Variants in RGS3 observed in about 807,000 individuals in gnomAD.
RGS3 encodes the protein regulator of G-protein signalling 3.
In RGS3, 80 loss-of-function variants were observed where a neutral mutation model predicts 132.6. The observed-to-expected ratio is 0.60, with a 90% CI of 0.50 to 0.73. The LOEUF (loss-of-function observed/expected upper bound fraction) is 0.73, where lower values mean the gene tolerates loss of function less well. Among genes scored for constraint, RGS3 ranks in the 30% least tolerant of loss-of-function variants. The pLI, the probability that RGS3 is intolerant of heterozygous loss-of-function variation, is 0.00. For missense variants in RGS3, 1,382 were observed against 1,530.8 expected (o/e 0.90, Z 1.62); for synonymous variants, 598 against 620.6 (o/e 0.96, Z 0.54).
chr9:113,484,342 A>C (rs1830261430), intron 6 of RGS3, 110 bp downstream of exon 4: 3 of 499,412 alleles, frequency 6.0e-6, no homozygotes, highest in Admixed American at 3.4e-5. Context: ...AAAAAAAAAA[A>C]AAAAAAACCA....
At position 113,579,308 on chromosome 9, in the gene RGS3, T is replaced by C. The variant is rs1834680102; in HGVS notation, c.2038-4142T>C. On this transcript the variant is annotated intron_variant, in intron 19 of 24. Coordinates refer to ENST00000350696, the Ensembl canonical transcript of RGS3. The surrounding 1 kb of genome is among the most constrained non-coding windows in gnomAD (Gnocchi z 4.3). ...CCAGGAGCCAAAGCTGGTATGAGTG[T>C]GAACTCTGGGTGTCATAGCTGCCAT... Among the ~76,000 whole-genome samples, 1 of 152,220 alleles carries C rather than the reference T, an allele frequency of 6.6e-6. No individual in the cohort carries two copies. The highest frequency in any genetic ancestry group is 2.4e-5 in the African/African-American group (1 of 41,450).
At chr9:113,528,691 T>TAAAGAGAGG (rs1832328751) in intron 17 of RGS3, among the ~76,000 whole-genome samples, 1 of 152,148 alleles carries the variant, frequency 6.6e-6, no homozygotes, top group African/African-American at 2.4e-5. Flanking sequence ...TAGGAAAACA[T>TAAAGAGAGG]ACAGAGAGGT....
chr9:113,528,744 A>G (rs1047648908), intron 17 of RGS3, among the ~76,000 whole-genome samples: 4 of 152,220 alleles, frequency 2.6e-5, no homozygotes, highest in African/African-American at 4.8e-5. Context: ...CACCCAGTCT[A>G]TGACAGGGTA....
In RGS3 at chr9:113,533,938, C is replaced by T. The variant is rs539328854; in HGVS notation, c.1915-2858C>T. ...GGAAGCTGTTGTTAAGTAGAAGCTC[C>T]AGGAGTGCCTCAGCGCACCACCCAG... On this transcript the variant is annotated intron_variant, in intron 18 of 24. Transcript: ENST00000350696. Among the ~76,000 whole-genome samples, 18 of 152,350 alleles carry T rather than the reference C, an allele frequency of 1.2e-4. 1 individual carries two copies. The South Asian group carries it at 3.3e-3, about 28-fold the overall frequency.
At chr9:113,474,052 T>G (rs577538858) in intron 3 of RGS3, among the ~76,000 whole-genome samples, 13 of 152,064 alleles carry the variant, frequency 8.5e-5, no homozygotes, top group Admixed American at 8.5e-4. Context: ...CCCTTGTGAG[T>G]GATCCATGGG....
intron 19 of RGS3, among the ~76,000 whole-genome samples, chr9:113,552,356 G>A (rs896936655): frequency 1.6e-4 from 24 of 151,896 alleles, no homozygotes; most frequent in South Asian, 1.5e-3. Context: ...TCACTCTGTC[G>A]CCCAGGCTGG....
intron 21 of RGS3, chr9:113,594,006 C>T: frequency 1.2e-6 from 2 of 1,613,098 alleles, no homozygotes; most frequent in Non-Finnish European, 1.7e-6. Flanking sequence ...GACACATGCC[C>T]CTTTCACGGC....
intron 3 of RGS3, 110 bp from the exon 2 acceptor site, chr9:113,479,381 T>G: frequency 3.5e-6 from 4 of 1,130,268 alleles, no homozygotes; most frequent in Non-Finnish European, 5.3e-6. Context: ...TGTGAGTCTT[T>G]GAATGGCTTC....
At chr9:113,460,792 A>G (rs1275436169) in intron 1 of RGS3, among the ~76,000 whole-genome samples, 1 of 152,168 alleles carries the variant, frequency 6.6e-6, no homozygotes, top group Non-Finnish European at 1.5e-5. Context: ...TAAAGTCACT[A>G]AGATTCTTTG....
At chr9:113,587,297 G>T (rs1184375488) in intron 20 of RGS3, among the ~76,000 whole-genome samples, 1 of 152,160 alleles carries the variant, frequency 6.6e-6, no homozygotes, top group African/African-American at 2.4e-5. Flanking sequence ...CCTGGCTTTG[G>T]CCTGGCTCTT....
intron 4 of RGS3, 41 bp from the exon 3 acceptor site, chr9:113,483,018 T>G: frequency 6.2e-7 from 1 of 1,613,910 alleles, no homozygotes; most frequent in Non-Finnish European, 8.5e-7. Context: ...TGTGTGTGTA[T>G]GTTTCCATTC....
At chr9:113,566,811 A>C (rs988031197) in intron 19 of RGS3, among the ~76,000 whole-genome samples, 5 of 152,166 alleles carry the variant, frequency 3.3e-5, no homozygotes, top group Admixed American at 1.3e-4. Flanking sequence ...TCCTCAAGGG[A>C]AGGAGCCGCA....
intron 19 of RGS3, chr9:113,580,864 A>G: frequency 1.0e-6 from 1 of 985,640 alleles, no homozygotes; most frequent in Non-Finnish European, 1.2e-6. Flanking sequence ...CCACTGGGAC[A>G]GGCCTGGGCC....
chr9:113,487,144 G>T (rs903956975), intron 7 of RGS3, among the ~76,000 whole-genome samples: 1 of 133,340 alleles, frequency 7.5e-6, no homozygotes, highest in Admixed American at 8.8e-5. Context: ...TCGCTCTGTC[G>T]CCCAGGCCGG....
At chr9:113,597,014 C>T in exon 25 of RGS3, 3 of 1,423,096 alleles carry the variant, frequency 2.1e-6, no homozygotes, top group South Asian at 2.6e-5. Flanking sequence ...GCCCACCTGC[C>T]TCCCTGCCCC....
At chr9:113,563,237 A>G (rs970481117) in intron 19 of RGS3, among the ~76,000 whole-genome samples, 19 of 152,182 alleles carry the variant, frequency 1.2e-4, no homozygotes, top group Admixed American at 1.2e-3. Context: ...TGGAGTCATT[A>G]GTCTCACTCC....
rs569328327 is a variant in RGS3 at position 113,501,501 on chromosome 9, G to A, written c.897+3421G>A. 2.1e-5 allele frequency: 32 copies of A among 1,520,326 alleles called. No homozygotes were observed. The African/African-American group carries it at 3.8e-4, about 18-fold the overall frequency. The allele number at this position is 1,520,326 out of a possible 1,614,324, so 94.2% of individuals were successfully genotyped here. On this transcript the variant is annotated intron_variant, in intron 10 of 24. Transcript: ENST00000350696. ...CCCAGGGTGCTCATGCCAGGCTGACGGGTCCAGTGCGGGCTCCCGCTGCTG... is the reference window on the plus strand; with the variant it reads ...CCCAGGGTGCTCATGCCAGGCTGACAGGTCCAGTGCGGGCTCCCGCTGCTG...
chr9:113,472,311 A>G (rs1829859159), intron 3 of RGS3, among the ~76,000 whole-genome samples: 1 of 152,192 alleles, frequency 6.6e-6, no homozygotes, highest in Non-Finnish European at 1.5e-5. Flanking sequence ...AAACATGTGT[A>G]CACACACACA....
chr9:113,480,830 C>T (rs1055097337), intron 4 of RGS3, among the ~76,000 whole-genome samples: 6 of 152,232 alleles, frequency 3.9e-5, no homozygotes, highest in Admixed American at 1.3e-4. Flanking sequence ...TCCTTCCATC[C>T]GGCACATGAA....
Sources: allele counts gnomAD v4.1 joint callset (sites outside exome capture counted in the v4.1 genomes callset), GRCh38; gene constraint gnomAD v4.1.1; non-coding constraint Gnocchi (gnomAD v3.1); transcripts MANE v1.5; gene names NCBI Gene and HGNC (gene_info 2026-07-23, HGNC 2026-07-21).